HUWE1: variants seen among roughly 807,000 people sequenced by gnomAD.
HUWE1 encodes the protein E3 ubiquitin-protein ligase HUWE1.
HUWE1 carries 18 observed loss-of-function variants against 299.4 expected under a neutral mutation model. The ratio of observed to expected loss-of-function variants is 0.06; its 90% CI spans 0.04 to 0.09. The LOEUF is 0.09. Ranked by LOEUF, HUWE1 falls within the 10% of genes least tolerant of loss-of-function variation. The pLI is 1.00. For missense variants in HUWE1, 1,832 were observed against 3,462.3 expected (o/e 0.53, Z 11.82); for synonymous variants, 1,317 against 1,286.1 (o/e 1.02, Z -0.51).
Position 53,680,032 on chromosome X carries a change from G to T in HUWE1, c.-25+17C>A. 3.4e-6 allele frequency: 1 copy of T among 296,918 alleles called. No individual in the cohort carries two copies. The highest frequency in any genetic ancestry group is 4.8e-5 in the East Asian group (1 of 21,052). 24.5% of individuals were successfully genotyped at this position (296,918 alleles called of 1,213,427 possible). ...AGTAAAATACAAATACTTCCCACAA[G>T]ATTTACAAAAACTAACCTAAAATCA... On this transcript the variant is annotated intron_variant, in intron 3 of 83. Coordinates refer to ENST00000262854, the MANE Select transcript of HUWE1 (RefSeq NM_031407.7).
At chrX:53,594,107 A>AAAAAC (rs1343107707) in intron 31 of HUWE1, among the ~76,000 whole-genome samples, 4 of 112,057 alleles carry the variant, frequency 3.6e-5, no homozygotes, top group Admixed American at 9.4e-5. Flanking sequence ...AAAAAAAACA[A>AAAAAC]AAAACAAAAC....
intron 9 of HUWE1, 130 bp downstream of exon 9, chrX:53,632,357 T>C: frequency 1.9e-6 from 1 of 521,587 alleles, no homozygotes; most frequent in Admixed American, 2.6e-5. Flanking sequence ...CTGCTAGGTA[T>C]ATTTATAGTT....
At chrX:53,642,199 T>A (rs2067646309) in intron 7 of HUWE1, among the ~76,000 whole-genome samples, 1 of 112,274 alleles carries the variant, frequency 8.9e-6, no homozygotes. Flanking sequence ...CATGTATCTG[T>A]CCCATTATTG....
intron 7 of HUWE1, among the ~76,000 whole-genome samples, chrX:53,644,800 C>G (rs1464773117): frequency 6.3e-5 from 7 of 111,968 alleles, no homozygotes; most frequent in African/African-American, 2.3e-4. Context: ...TCTGGGAACA[C>G]TGGACAATAG....
At chrX:53,630,783 A>T in intron 12 of HUWE1, 152 bp downstream of exon 12, 2 of 464,040 alleles carry the variant, frequency 4.3e-6, no homozygotes, top group Non-Finnish European at 7.6e-6. Context: ...GATAATGAAT[A>T]AATACAGTGA....
chrX:53,650,036 C>A (rs1319250101), intron 4 of HUWE1, among the ~76,000 whole-genome samples: 4 of 111,724 alleles, frequency 3.6e-5, no homozygotes, highest in Non-Finnish European at 7.5e-5. Flanking sequence ...TTAGCTGACA[C>A]CTAAGTCAGT....
chrX:53,634,343 C>T, intron 7 of HUWE1, 45 bp from the exon 8 acceptor site: 1 of 962,765 alleles, frequency 1.0e-6, no homozygotes, highest in Non-Finnish European at 1.5e-6. Flanking sequence ...CTTATGGTGA[C>T]TTTGCGCCAC....
At chrX:53,568,970 T>C (rs1176262496) in intron 48 of HUWE1, 96 bp from the exon 49 acceptor site, 8 of 696,727 alleles carry the variant, frequency 1.1e-5, no homozygotes, top group African/African-American at 8.6e-5. Flanking sequence ...CCTGTAACTT[T>C]TGTATTTCCT....
rs1556922970 is a variant in HUWE1, at chrX:53,546,539, T to A, written c.10812A>T (p.Val3604=). The stretch of plus-strand genomic sequence containing the variant: ...AGTCCCCCCGGGAGAGCTGCAGTAG[T>A]ACGTTGGCTGCATCCTCTAAGCCTT... ...SEEGLEDAAN[V]LLQLSRGDSG... is the part of the protein sequence containing the mutation. The change falls in exon 70 of 84, where the codon GTA becomes GTT. Residue 3604 remains valine, a synonymous_variant. Transcript: ENST00000262854. The A allele has an allele frequency of 2.5e-6, 3 of 1,209,014 alleles. No homozygotes were observed. In the Admixed American group the frequency reaches 6.5e-5, roughly 26 times the overall value.
At position 53,614,736 on chromosome X, in the gene HUWE1, C is replaced by T; in HGVS notation, c.2059G>A (p.Glu687Lys). The T allele has an allele frequency of 8.5e-7, 1 of 1,179,608 alleles. No homozygotes were observed. The highest frequency in any genetic ancestry group is 1.8e-5 in the South Asian group (1 of 56,142). Residue 687 changes from glutamate to lysine, a missense_variant, in exon 23 of 84, where the codon GAA (glutamate) becomes AAA (lysine). Physicochemically the swap from Glu to Lys is moderately conservative, Grantham distance 56. Transcript: ENST00000262854. ...ATTAIIKLLE[E>K]ICNLGRDPKY... ...GGGTCCCTTCCAAGATTACAGATTTCTTCAAGTAACTGAAAGGCACAGGAA... is the reference window on the plus strand; with the variant it reads ...GGGTCCCTTCCAAGATTACAGATTTTTTCAAGTAACTGAAAGGCACAGGAA...
intron 2 of HUWE1, among the ~76,000 whole-genome samples, chrX:53,682,394 T>G (rs1027835613): frequency 2.7e-5 from 3 of 111,660 alleles, no homozygotes; most frequent in Non-Finnish European, 5.6e-5. Flanking sequence ...TGGGGAATGT[T>G]GGTATCTCCT....
intron 29 of HUWE1, 151 bp downstream of exon 29, chrX:53,599,967 A>G: frequency 1.9e-6 from 1 of 516,779 alleles, no homozygotes. Flanking sequence ...AAAGCCTGTC[A>G]CATAGCAGCC....
chrX:53,571,132 C>G (rs2062806970), intron 47 of HUWE1, among the ~76,000 whole-genome samples: 1 of 112,081 alleles, frequency 8.9e-6, no homozygotes, highest in Non-Finnish European at 1.9e-5. Context: ...TCACTATCAA[C>G]AACCTTGCAG....
At chrX:53,578,914 C>T (rs2063410414) in intron 43 of HUWE1, among the ~76,000 whole-genome samples, 1 of 75,310 alleles carries the variant, frequency 1.3e-5, no homozygotes, top group South Asian at 7.9e-4. Context: ...GGGGGATCAG[C>T]CCCCCGCCTG....
chrX:53,589,381 T>C (rs782426185), intron 36 of HUWE1, among the ~76,000 whole-genome samples, 166 bp downstream of exon 36: 6 of 112,198 alleles, frequency 5.3e-5, no homozygotes, highest in African/African-American at 1.3e-4. Context: ...GTGTGTGCGA[T>C]GTAGTTAACA....
Position 53,624,695 on chromosome X carries a change from T to C in HUWE1, c.1592-20A>G, listed in dbSNP as rs1392249058. ...CCATCACTAAAAGAAAAGTGAACATTATGGAGAATACGAATAGTCTGGAAA... is the reference window on the plus strand; with the variant it reads ...CCATCACTAAAAGAAAAGTGAACATCATGGAGAATACGAATAGTCTGGAAA... On this transcript the variant is annotated intron_variant, in intron 18 of 83. Transcript: ENST00000262854. 1.8e-6 allele frequency: 2 copies of C among 1,082,793 alleles called. No homozygotes were observed. Among genetic ancestry groups the C allele is most frequent in the African/African-American group, 1.8e-5 (1 of 54,482 alleles). The allele number at this position is 1,082,793 out of a possible 1,213,427, so 89.2% of individuals were successfully genotyped here. A position where few individuals can be genotyped will look rare whatever the true frequency, so the allele number is the denominator to read the frequency against.
rs370630279 is a variant in HUWE1, at chrX:53,560,311, C to T, written c.7613G>A (p.Arg2538His). 4 of 1,211,268 alleles carry T rather than the reference C, an allele frequency of 3.3e-6. No homozygotes were observed. The highest frequency in any genetic ancestry group is 1.8e-5 in the South Asian group (1 of 56,949). ...ACTGCGCCCGATGCCCTGGGTGAGA[C>T]GAGTTGTTGAAGAGCCACTGCCCAG... Reference protein sequence around the residue: ...LTLGSGSSTTRLTQGIGRSQR... With the variant: ...LTLGSGSSTTHLTQGIGRSQR... Residue 2538 changes from arginine (R) to histidine (H), a missense_variant, in exon 56 of 84, where the codon CGT (arginine) becomes CAT (histidine). Around this residue, in one of 15 missense-constraint regions of HUWE1, gnomAD observed 170 missense variants for 335.8 expected, o/e 0.51. Coordinates refer to ENST00000262854, the MANE Select transcript of HUWE1 (RefSeq NM_031407.7).
Position 53,600,282 on chromosome X carries a change from C to G in HUWE1, c.2999G>C (p.Ser1000Thr). The G allele has an allele frequency of 8.3e-7, 1 of 1,208,035 alleles. No homozygotes were observed. The highest frequency in any genetic ancestry group is 1.7e-5 in the African/African-American group (1 of 57,692). ...SDGEQDGAAG[S>T]MDASTQGLLE... ...TAAGCCCTGGGTAGAAGCATCCATACTTCCAGCTGCTCCATCCTGTTCCCC... is the reference window on the plus strand; with the variant it reads ...TAAGCCCTGGGTAGAAGCATCCATAGTTCCAGCTGCTCCATCCTGTTCCCC... Residue 1000 changes from serine (S) to threonine (T), a missense_variant, in exon 29 of 84, where the codon AGT becomes ACT. By Grantham distance (58) the Ser-to-Thr change is moderately conservative. Transcript: ENST00000262854.
chrX:53,543,781 A>G, intron 73 of HUWE1, 60 bp downstream of exon 73: 1 of 1,205,433 alleles, frequency 8.3e-7, no homozygotes. Flanking sequence ...CCCACTGATG[A>G]CATGGTGGGG....
Sources: allele counts gnomAD v4.1 joint callset (sites outside exome capture counted in the v4.1 genomes callset), GRCh38; gene constraint gnomAD v4.1.1; regional missense constraint gnomAD v4.1.1; transcripts MANE v1.5; gene names NCBI Gene and HGNC (gene_info 2026-07-23, HGNC 2026-07-21).